STIL: variants seen among roughly 807,000 people sequenced by gnomAD.
The protein encoded by STIL is STIL centriolar assembly protein, also known as SCL-interrupting locus protein.
A neutral mutation model predicts 110.1 loss-of-function variants in STIL; 55 were observed. The ratio of observed to expected loss-of-function variants is 0.50; its 90% CI spans 0.40 to 0.63. The LOEUF (loss-of-function observed/expected upper bound fraction) is 0.63, where lower values mean the gene tolerates loss of function less well. Ranked by LOEUF, STIL falls within the 20% of genes least tolerant of loss-of-function variation. The pLI, the probability that STIL is intolerant of heterozygous loss-of-function variation, is 0.00. For missense variants in STIL, 1,358 were observed against 1,530.0 expected (o/e 0.89, Z 1.87); for synonymous variants, 481 against 530.0 (o/e 0.91, Z 1.27).
chr1:47,279,726 T>TAAAA (rs1645097878), intron 12 of STIL, among the ~76,000 whole-genome samples: 1 of 49,716 alleles, frequency 2.0e-5, no homozygotes, highest in African/African-American at 2.1e-4. Context: ...AGACTCCGTC[T>TAAAA]CAAAAAAAAA....
In STIL at chr1:47,259,445, C is replaced by T. The variant is rs181124307; in HGVS notation, c.3080+844G>A. 4.6e-5 allele frequency among the ~76,000 whole-genome samples: 7 copies of T among 151,284 alleles called. No individual in the cohort carries two copies. In the East Asian group the frequency reaches 9.7e-4, roughly 21 times the overall value. ...AGCTGAGATTACAGGCGCCCGCCAC[C>T]GCACCCATCTAATTTTTGTATTTTT... On this transcript the variant is annotated intron_variant, in intron 16 of 16. Coordinates refer to ENST00000371877, the MANE Select transcript of STIL (RefSeq NM_001048166.1).
rs1645415079 is a variant in STIL, at chr1:47,289,560, T to C, written c.898A>G (p.Ile300Val). 6.2e-7 allele frequency: 1 copy of C among 1,613,600 alleles called. No homozygotes were observed. The highest frequency in any genetic ancestry group is 1.7e-5 in the Admixed American group (1 of 59,984). The change falls in exon 9 of 17, where the codon ATC becomes GTC. Residue 300 changes from isoleucine (I) to valine (V), a missense_variant. By Grantham distance (29) the Ile-to-Val change is conservative. Transcript: ENST00000371877. ...TGTGTCATAGAATAGAGAACTATGATGAAATTTCCAGATTCTGAAAAAACC... is the reference window on the plus strand; with the variant it reads ...TGTGTCATAGAATAGAGAACTATGACGAAATTTCCAGATTCTGAAAAAACC... The part of the protein sequence containing the change: ...ERVFSESGNF[I>V]IVLYSMTHKE...
Position 47,270,241 on chromosome 1 carries a change from A to ATAT in STIL, c.2384-376_2384-375insATA, listed in dbSNP as rs1553172351. ...CAACTCTGGCTCAAAAAAAAAAAAA[A>ATAT]ATATATATATATATACACACACACA... On this transcript the variant is annotated intron_variant, in intron 13 of 16. Transcript: ENST00000371877. 8.4e-5 allele frequency among the ~76,000 whole-genome samples: 10 copies of ATAT among 118,646 alleles called. 1 individual carries two copies. The highest frequency in any genetic ancestry group is 3.6e-4 in the African/African-American group (10 of 27,698). The allele number at this position is 118,646 out of a possible 152,430, so 77.8% of individuals were successfully genotyped here. A position where few individuals can be genotyped will look rare whatever the true frequency, so the allele number is the denominator to read the frequency against.
At chr1:47,314,268 AT>A (rs1221196364), upstream of STIL, 2 of 152,246 alleles carry the variant, frequency 1.3e-5, no homozygotes, top group African/African-American at 4.8e-5. Flanking sequence ...GCCGTTACGT[AT>A]TGGTGTGCCG....
chr1:47,262,715 T>C (rs1029278382), intron 15 of STIL, among the ~76,000 whole-genome samples, 188 bp downstream of exon 15: 4 of 152,194 alleles, frequency 2.6e-5, no homozygotes, highest in Non-Finnish European at 5.9e-5. Context: ...TACTTAAGTA[T>C]GTTTATGGTA....
chr1:47,314,108 A>C lies in STIL; in HGVS notation c.-116T>G, dbSNP rs1230468980. Reference sequence around the variant, plus strand: ...CCGGCTCCAAGGAGCGCCACCGCCGACTCCGGCCCCGCCTCTGGGACGTTG... The same window carrying C: ...CCGGCTCCAAGGAGCGCCACCGCCGCCTCCGGCCCCGCCTCTGGGACGTTG... On this transcript the variant is annotated 5_prime_UTR_variant, in exon 1 of 17. Transcript: ENST00000371877. 1 of 152,158 alleles carries C rather than the reference A, an allele frequency of 6.6e-6. No individual in the cohort carries two copies. Among genetic ancestry groups the C allele is most frequent in the Non-Finnish European group, 1.5e-5 (1 of 68,028 alleles). 9.4% of individuals were successfully genotyped at this position (152,158 alleles called of 1,614,324 possible). A position where few individuals can be genotyped will look rare whatever the true frequency, so the allele number is the denominator to read the frequency against.
intron 12 of STIL, among the ~76,000 whole-genome samples, chr1:47,273,640 G>A (rs186788587): frequency 1.5e-4 from 23 of 152,282 alleles, no homozygotes; most frequent in Admixed American, 1.3e-3. Context: ...GGGCTATTAG[G>A]AATAATGCTA....
chr1:47,303,213 T>C (rs1286170900), intron 3 of STIL, among the ~76,000 whole-genome samples: 14 of 152,220 alleles, frequency 9.2e-5, no homozygotes, highest in Non-Finnish European at 2.9e-5. Flanking sequence ...TTCTATTAAC[T>C]ATGCATATAT....
At chr1:47,290,240 G>A (rs765512584) in intron 8 of STIL, among the ~76,000 whole-genome samples, 7 of 152,116 alleles carry the variant, frequency 4.6e-5, no homozygotes, top group Non-Finnish European at 7.4e-5. Context: ...AACACGATAT[G>A]AAAAAGATTA....
At chr1:47,312,842 A>C (rs1646174923) in intron 1 of STIL, 1 of 152,224 alleles carries the variant, frequency 6.6e-6, no homozygotes, top group Non-Finnish European at 1.5e-5. Context: ...TCTCAGGTAA[A>C]GTCATTATCG....
intron 1 of STIL, among the ~76,000 whole-genome samples, chr1:47,311,476 G>A (rs1164060853): frequency 1.3e-5 from 2 of 151,578 alleles, no homozygotes; most frequent in East Asian, 3.9e-4. Context: ...TTGTAGAGAT[G>A]GGGTTTCATC....
chr1:47,311,628 T>C (rs1646129244), intron 1 of STIL, among the ~76,000 whole-genome samples: 1 of 152,204 alleles, frequency 6.6e-6, no homozygotes, highest in Non-Finnish European at 1.5e-5. Flanking sequence ...GACAGTTCCA[T>C]CTAAGTATTA....
intron 13 of STIL, among the ~76,000 whole-genome samples, chr1:47,270,512 T>A (rs1263340459): frequency 6.6e-6 from 1 of 151,868 alleles, no homozygotes; most frequent in African/African-American, 2.4e-5. Context: ...AAACTGCTGC[T>A]CTGAATAATA....
intron 10 of STIL, among the ~76,000 whole-genome samples, chr1:47,284,398 T>C (rs1016120667): frequency 2.6e-5 from 4 of 152,164 alleles, no homozygotes; most frequent in African/African-American, 9.7e-5. Flanking sequence ...CTCTATTACT[T>C]AGGCTAGAGT....
At chr1:47,291,959 C>T (rs1190098361) in intron 8 of STIL, among the ~76,000 whole-genome samples, 1 of 151,808 alleles carries the variant, frequency 6.6e-6, no homozygotes, top group African/African-American at 2.4e-5. Context: ...TGGGCTCAAG[C>T]GATCTTCCCA....
chr1:47,274,493 T>G (rs944004588), intron 12 of STIL, among the ~76,000 whole-genome samples: 2 of 147,032 alleles, frequency 1.4e-5, no homozygotes, highest in Middle Eastern at 3.2e-3. Flanking sequence ...TTTTTGTATT[T>G]TTTTTAGTAG....
chr1:47,306,839 G>A (rs1470762985), intron 2 of STIL, among the ~76,000 whole-genome samples: 3 of 152,096 alleles, frequency 2.0e-5, no homozygotes, highest in African/African-American at 7.2e-5. Context: ...TGTATAACAC[G>A]AGAAAACCAC....
At chr1:47,284,361 CA>C (rs1237721865) in intron 10 of STIL, among the ~76,000 whole-genome samples, 11 of 152,214 alleles carry the variant, frequency 7.2e-5, no homozygotes, top group African/African-American at 2.4e-4. Flanking sequence ...GGTTTTTTAA[CA>C]TCACTTTTTT....
intron 16 of STIL, among the ~76,000 whole-genome samples, chr1:47,254,964 C>T (rs898151573): frequency 1.3e-5 from 2 of 152,062 alleles, no homozygotes; most frequent in South Asian, 2.1e-4. Flanking sequence ...GGAGGGTGGG[C>T]TAGGGGCAAT....
Sources: gnomAD v4.1 joint callset for allele counts (sites outside exome capture counted in the v4.1 genomes callset) on GRCh38, gnomAD v4.1.1 for gene constraint, MANE v1.5 for transcripts, NCBI Gene and HGNC (gene_info 2026-07-23, HGNC 2026-07-21) for gene names.